The following RAPGEF3 variants were observed in gnomAD, a reference collection of about 807,000 sequenced individuals.
RAPGEF3 encodes the protein 9330170P05Rik.
RAPGEF3 carries 103 observed loss-of-function variants against 129.8 expected under a neutral mutation model. The ratio of observed to expected loss-of-function variants is 0.79; its 90% CI spans 0.68 to 0.93. The LOEUF (loss-of-function observed/expected upper bound fraction) is 0.93. RAPGEF3 is among the 40% of genes least tolerant of loss of function. RAPGEF3 has a pLI of 0.00. For missense variants in RAPGEF3, 1,117 were observed against 1,207.4 expected, an observed-to-expected ratio of 0.93 and a Z score of 1.11; for synonymous variants, 436 against 482.6, an observed-to-expected ratio of 0.90 and a Z score of 1.26.
chr12:47,739,381 TCACAGGCGAA>T, intron 23 of RAPGEF3, 151 bp from the exon 24 acceptor site: 1 of 727,448 alleles, frequency 1.4e-6, no homozygotes, highest in Non-Finnish European at 2.5e-6. Context: ...CCAGGCTCTG[TCACAGGCGAA>T]CACGGGGCTT....
At chr12:47,743,913 G>A (rs1038577683) in intron 17 of RAPGEF3, 74 bp downstream of exon 17, 133 of 1,487,434 alleles carry the variant, frequency 8.9e-5, no homozygotes, top group Non-Finnish European at 1.1e-4. Context: ...CAAGAGTGAC[G>A]ACAGCAGGAC....
Position 47,758,771 on chromosome 12 carries a change from G to T in RAPGEF3, c.-215C>A. ...CTCTTGGGTGAGTAGAGGGGTGGGG[G>T]CGTGGTGGGGGGACGCCACCCAGCC... On this transcript the variant is annotated 5_prime_UTR_variant, in exon 1 of 28. Coordinates refer to ENST00000449771, the MANE Select transcript of RAPGEF3 (RefSeq NM_001098531.4). The T allele has an allele frequency of 8.1e-7, 1 of 1,240,456 alleles. No individual in the cohort carries two copies. Among genetic ancestry groups the T allele is most frequent in the Non-Finnish European group, 1.0e-6 (1 of 990,668 alleles). 76.8% of individuals were successfully genotyped at this position (1,240,456 alleles called of 1,614,324 possible).
chr12:47,743,970 C>T lies in RAPGEF3; in HGVS notation c.1678+17G>A, dbSNP rs370152036. The stretch of plus-strand genomic sequence containing the variant: ...GTGCAGATGTCGGGCTGTGCCCAGC[C>T]GGCACAGACCACCAACCTTTATCCC... On this transcript the variant is annotated intron_variant, in intron 17 of 27. Coordinates refer to ENST00000449771, the MANE Select transcript of RAPGEF3 (RefSeq NM_001098531.4). The T allele has an allele frequency of 1.6e-5, 25 of 1,571,538 alleles. No homozygotes were observed. The highest frequency in any genetic ancestry group is 6.7e-5 in the East Asian group (3 of 44,664).
At chr12:47,746,930 G>T in intron 15 of RAPGEF3, 31 bp from the exon 16 acceptor site, 1 of 1,596,454 alleles carries the variant, frequency 6.3e-7, no homozygotes, top group Non-Finnish European at 8.5e-7. Context: ...AGGTGAGTGA[G>T]CCCAGGTATC....
At chr12:47,751,696 C>T (rs1941761074) in intron 4 of RAPGEF3, 27 bp downstream of exon 4, 2 of 1,608,914 alleles carry the variant, frequency 1.2e-6, no homozygotes, top group Non-Finnish European at 1.7e-6. Context: ...TGAGGCTGGG[C>T]AAGGAGGCAG....
In RAPGEF3 at chr12:47,740,604, G is replaced by A. The variant is rs552854526; in HGVS notation, c.2231+38C>T. 359 of 1,573,920 alleles carry A rather than the reference G, an allele frequency of 2.3e-4. 2 individuals carry two copies. The East Asian group carries it at 7.8e-3, about 34-fold the overall frequency. On this transcript the variant is annotated intron_variant, in intron 21 of 27. Transcript: ENST00000449771. ...GGGCTTAGGAAAAGGTAGCCGGGGG[G>A]ACTCTGGCCACGCCCTACCCACTGG...
chr12:47,749,624 C>A lies in RAPGEF3; in HGVS notation c.895-88G>T. 1 of 1,566,426 alleles carries A rather than the reference C, an allele frequency of 6.4e-7. No individual in the cohort carries two copies. On this transcript the variant is annotated intron_variant, in intron 9 of 27. Transcript: ENST00000449771. The surrounding 1 kb of genome is among the most constrained non-coding windows in gnomAD (Gnocchi z 4.5). ...GACAGACCCACGGCAGGAGAACAAC[C>A]CACACAGGAGACACGGGGTCAGCAG... is the stretch of plus-strand genomic sequence containing the variant.
rs1940743145 is a variant in RAPGEF3 at position 47,734,544 on chromosome 12, C to T, written c.*3023G>A. On this transcript the variant is annotated 3_prime_UTR_variant, in exon 28 of 28. Coordinates refer to ENST00000449771, the MANE Select transcript of RAPGEF3 (RefSeq NM_001098531.4). ...AGCAGTTATGTGACCTTGGGCAAACCTGCCTGTGCCTCAGTTTCTTTGACT... is the reference window on the plus strand; with the variant it reads ...AGCAGTTATGTGACCTTGGGCAAACTTGCCTGTGCCTCAGTTTCTTTGACT... The T allele has an allele frequency of 6.6e-6, 1 of 152,220 alleles. No homozygotes were observed. Among genetic ancestry groups the T allele is most frequent in the African/African-American group, 2.4e-5 (1 of 41,448 alleles). 9.4% of individuals were successfully genotyped at this position (152,220 alleles called of 1,614,324 possible). A position where few individuals can be genotyped will look rare whatever the true frequency, so the allele number is the denominator to read the frequency against.
rs764134325 is a variant in RAPGEF3 at position 47,737,474 on chromosome 12, CCCAGCTGTGG to C, written c.*83_*92del. On this transcript the variant is annotated 3_prime_UTR_variant, in exon 28 of 28. Coordinates refer to ENST00000449771, the MANE Select transcript of RAPGEF3 (RefSeq NM_001098531.4). ...CGAGTCCACTCCACGGAGAGCCTTG[CCCAGCTGTGG>C]CCAGCCTGTGAGTATCTTGGCCCGG... The C allele has an allele frequency of 8.7e-5, 100 of 1,155,726 alleles. No homozygotes were observed. Among genetic ancestry groups the C allele is most frequent in the Middle Eastern group, 2.8e-4 (1 of 3,618 alleles). 71.6% of individuals were successfully genotyped at this position (1,155,726 alleles called of 1,614,324 possible).
In RAPGEF3 at chr12:47,751,787, G is replaced by T; in HGVS notation, c.316C>A (p.Arg106=). The change falls in exon 4 of 28, where the codon CGG becomes AGG. Residue 106 remains arginine, a synonymous_variant. Transcript: ENST00000449771. Reference sequence around the variant, plus strand: ...TTTGGGCAGGTGGCCAGCAGATGCCGATGCAGCTGCCTCCCAGCCCTGAGC... The same window carrying T: ...TTTGGGCAGGTGGCCAGCAGATGCCTATGCAGCTGCCTCCCAGCCCTGAGC... The part of the protein sequence containing the change: ...RVLRAGRQLH[R]HLLATCPNLI... The T allele has an allele frequency of 1.2e-6, 2 of 1,614,078 alleles. No homozygotes were observed. Among genetic ancestry groups the T allele is most frequent in the South Asian group, 1.1e-5 (1 of 91,072 alleles).
chr12:47,751,640 G>A, intron 4 of RAPGEF3, 83 bp downstream of exon 4: 1 of 1,599,504 alleles, frequency 6.3e-7, no homozygotes, highest in Non-Finnish European at 8.6e-7. Context: ...CTAGAAGCAG[G>A]GTGAGGCCCA....
intron 16 of RAPGEF3, chr12:47,746,555 G>T (rs1352760562): frequency 1.5e-6 from 1 of 668,554 alleles, no homozygotes; most frequent in African/African-American, 1.9e-5. Flanking sequence ...GCCAACTCCA[G>T]CCACCATTCC....
At position 47,749,801 on chromosome 12, in the gene RAPGEF3, G is replaced by T. The variant is rs758066482; in HGVS notation, c.834C>A (p.Asp278Glu). Residue 278 changes from aspartate (D) to glutamate (E), a missense_variant, in exon 9 of 28, where the codon GAC becomes GAA. This residue lies in a region of RAPGEF3 where 367 missense variants were observed against 373.4 expected (regional missense o/e 0.98). Coordinates refer to ENST00000449771, the MANE Select transcript of RAPGEF3 (RefSeq NM_001098531.4). This position sits in a 1 kb window ranked among gnomAD's most constrained non-coding sequence, Gnocchi z 4.5. ...KAGTVLFSQG[D>E]KGTSWYIIWK... ...AGATAATGTACCACGAAGTGCCCTT[G>T]TCCCCCTGGCTGAACACTGACAGAA... The T allele has an allele frequency of 8.7e-6, 14 of 1,614,184 alleles. No individual in the cohort carries two copies. The highest frequency in any genetic ancestry group is 1.1e-5 in the Non-Finnish European group (13 of 1,180,028).
chr12:47,739,349 T>C (rs1356276717), intron 23 of RAPGEF3, 119 bp from the exon 24 acceptor site: 2 of 796,484 alleles, frequency 2.5e-6, no homozygotes, highest in Non-Finnish European at 4.4e-6. Flanking sequence ...CAACTCAGCC[T>C]CTCCTCAGCC....
Position 47,741,208 on chromosome 12 carries a change from G to A in RAPGEF3, c.1924-168C>T, listed in dbSNP as rs1475013988. On this transcript the variant is annotated intron_variant, in intron 19 of 27. Coordinates refer to ENST00000449771, the MANE Select transcript of RAPGEF3 (RefSeq NM_001098531.4). ...GGGGCTATAGCAGCTGGAGGATAGGGCTCCCCAGTGCTGAGACCCCTCCTT... is the reference window on the plus strand; with the variant it reads ...GGGGCTATAGCAGCTGGAGGATAGGACTCCCCAGTGCTGAGACCCCTCCTT... 18 of 892,076 alleles carry A rather than the reference G, an allele frequency of 2.0e-5. No individual in the cohort carries two copies. In the Admixed American group the frequency reaches 5.1e-4, roughly 25 times the overall value. The allele number at this position is 892,076 out of a possible 1,614,324, so 55.3% of individuals were successfully genotyped here.
rs746170923 is a variant in RAPGEF3 at position 47,738,115 on chromosome 12, A to G, written c.2582-22T>C. 42 of 1,613,872 alleles carry G rather than the reference A, an allele frequency of 2.6e-5. No individual in the cohort carries two copies. In the South Asian group the frequency reaches 4.6e-4, roughly 18 times the overall value. On this transcript the variant is annotated intron_variant, in intron 26 of 27. Coordinates refer to ENST00000449771, the MANE Select transcript of RAPGEF3 (RefSeq NM_001098531.4). ...GGCACTGCGGGGGTGGGGAGGGGTCATGGAGTCAGGGCCACCCTGGAGCCT... is the reference window on the plus strand; with the variant it reads ...GGCACTGCGGGGGTGGGGAGGGGTCGTGGAGTCAGGGCCACCCTGGAGCCT...
rs370751497 is a variant in RAPGEF3, at chr12:47,748,856, C to T, written c.1117G>A (p.Ala373Thr). The T allele has an allele frequency of 9.2e-5, 148 of 1,613,888 alleles. No homozygotes were observed. The highest frequency in any genetic ancestry group is 3.3e-4 in the Middle Eastern group (2 of 6,082). Residue 373 changes from alanine to threonine, a missense_variant, in exon 11 of 28, where the codon GCC becomes ACC. Coordinates refer to ENST00000449771, the MANE Select transcript of RAPGEF3 (RefSeq NM_001098531.4). Reference protein sequence around the residue: ...VLVLERASQGAGPSRPPTPGR... With the variant: ...VLVLERASQGTGPSRPPTPGR... Reference sequence around the variant, plus strand: ...GGGGTTGGGGGTCGGGAAGGGCCGGCGCCCTGAGAGGCTCTCTCCAGCACC... The same window carrying T: ...GGGGTTGGGGGTCGGGAAGGGCCGGTGCCCTGAGAGGCTCTCTCCAGCACC...
In RAPGEF3 at chr12:47,740,957, C is replaced by G. The variant is rs761906844; in HGVS notation, c.2007G>C (p.Gln669His). Residue 669 changes from glutamine (Q) to histidine (H), a missense_variant, in exon 20 of 28, where the codon CAG becomes CAC. Gln to His is a conservative substitution (Grantham distance 24). Coordinates refer to ENST00000449771, the MANE Select transcript of RAPGEF3 (RefSeq NM_001098531.4). ...DLVSAKDLAGQLTDHDWSLFN... is the reference protein window; with the variant it reads ...DLVSAKDLAGHLTDHDWSLFN... ...AGAGGCTCCAGTCGTGGTCCGTCAG[C>G]TGGCCTGCCAGGTCCTTGGCACTCA... 2.7e-5 allele frequency: 44 copies of G among 1,613,782 alleles called. No individual in the cohort carries two copies. Among genetic ancestry groups the G allele is most frequent in the East Asian group, 2.5e-4 (11 of 44,888 alleles).
At position 47,757,932 on chromosome 12, in the gene RAPGEF3, G is replaced by A; in HGVS notation, c.153C>T (p.Pro51=). The change falls in exon 2 of 28, where the codon CCC becomes CCT. Residue 51 remains proline, a synonymous_variant. Coordinates refer to ENST00000449771, the MANE Select transcript of RAPGEF3 (RefSeq NM_001098531.4). ...LNMVLRRMHR[P]RSCSYQLLLE... ...GCAGCAGCTGGTAGGAGCAGCTTCG[G>A]GGCCGGTGCATCCTTCTCAACACCA... 1.3e-6 allele frequency: 2 copies of A among 1,557,064 alleles called. No homozygotes were observed.
Sources: allele counts gnomAD v4.1 joint callset, GRCh38; gene constraint gnomAD v4.1.1; regional missense constraint gnomAD v4.1.1; non-coding constraint Gnocchi (gnomAD v3.1); transcripts MANE v1.5; gene names NCBI Gene and HGNC (gene_info 2026-07-23, HGNC 2026-07-21).